ARHGAP29: variants seen among roughly 807,000 people sequenced by gnomAD.
The protein encoded by ARHGAP29 is rho GTPase-activating protein 29.
In ARHGAP29, 43 loss-of-function variants were observed where a neutral mutation model predicts 122.6. That is an observed-to-expected ratio of 0.35 (90% CI 0.27 to 0.45). The LOEUF (loss-of-function observed/expected upper bound fraction) is 0.45. Among genes scored for constraint, ARHGAP29 ranks in the 20% least tolerant of loss-of-function variants. The pLI is 1.00. For missense variants in ARHGAP29, 1,303 were observed against 1,477.2 expected (o/e 0.88, Z 1.93); for synonymous variants, 506 against 497.1 (o/e 1.02, Z -0.24).
At chr1:94,238,800 T>G (rs759468249), upstream of ARHGAP29, among the ~76,000 whole-genome samples, 1 of 152,012 alleles carries the variant, frequency 6.6e-6, no homozygotes, top group African/African-American at 2.4e-5. Context: ...GAAAAGTAAG[T>G]GAGCATGACA....
chr1:94,269,926 C>T (rs529989008), intron 1 of ARHGAP29, among the ~76,000 whole-genome samples: 11 of 152,064 alleles, frequency 7.2e-5, no homozygotes, highest in Non-Finnish European at 1.5e-4. Context: ...AGGTCATTTT[C>T]GTAGTCCCCA....
chr1:94,205,790 A>G (rs1271214816), intron 5 of ARHGAP29, 107 bp from the exon 6 acceptor site: 4 of 927,122 alleles, frequency 4.3e-6, no homozygotes, highest in Admixed American at 2.2e-5. Flanking sequence ...CTGCTAAAGA[A>G]TTTCAAGTAT....
At chr1:94,186,801 C>G (rs1481287014) in intron 15 of ARHGAP29, among the ~76,000 whole-genome samples, 2 of 152,140 alleles carry the variant, frequency 1.3e-5, no homozygotes, top group South Asian at 2.1e-4. Context: ...ATCTGACTTT[C>G]CCAAACAAAT....
At chr1:94,287,567 A>G in the ARHGAP29 span, among the ~76,000 whole-genome samples, 2 of 152,038 alleles carry the variant, frequency 1.3e-5, no homozygotes, top group African/African-American at 4.8e-5. Flanking sequence ...GGTTTGTTAC[A>G]TAGGTATACA....
chr1:94,238,053 A>ATTTT (rs71717670), upstream of ARHGAP29, among the ~76,000 whole-genome samples: 1 of 61,010 alleles, frequency 1.6e-5, no homozygotes, highest in African/African-American at 8.0e-5. Flanking sequence ...GCCTATCTGT[A>ATTTT]TTTTTTTTTT....
At chr1:94,229,335 T>A (rs1342004959) in intron 2 of ARHGAP29, among the ~76,000 whole-genome samples, 1 of 151,732 alleles carries the variant, frequency 6.6e-6, no homozygotes, top group East Asian at 1.9e-4. Flanking sequence ...ATTAAGTAAA[T>A]AAGGAATAGT....
At chr1:94,284,353 C>A in the ARHGAP29 span, among the ~76,000 whole-genome samples, 1 of 152,310 alleles carries the variant, frequency 6.6e-6, no homozygotes, top group South Asian at 2.1e-4. Flanking sequence ...TTACCTCAGT[C>A]TTCATTGCAG....
rs1408087253 is a variant in ARHGAP29, at chr1:94,174,325, G to T, written c.3330C>A (p.Ser1110Arg). Residue 1110 changes from serine to arginine, a missense_variant, in exon 23 of 23, where the codon AGC (serine) becomes AGA (arginine). Transcript: ENST00000260526. ...SALQEKGVTTSLQISGDHSIN... is the reference protein window; with the variant it reads ...SALQEKGVTTRLQISGDHSIN... ...TAGAATGGTCCCCACTAATCTGGAG[G>T]CTTGTTGTCACTCCTTTTTCCTGGA... The T allele has an allele frequency of 6.2e-7, 1 of 1,614,148 alleles. No homozygotes were observed. Among genetic ancestry groups the T allele is most frequent in the Admixed American group, 1.7e-5 (1 of 60,004 alleles).
At chr1:94,271,547 C>G (rs548532457) in intron 1 of ARHGAP29, among the ~76,000 whole-genome samples, 1 of 152,286 alleles carries the variant, frequency 6.6e-6, no homozygotes, top group Admixed American at 6.5e-5. Context: ...TACCACAAAA[C>G]AGATTCCTGG....
At chr1:94,232,523 T>C (rs1652982472) in intron 1 of ARHGAP29, among the ~76,000 whole-genome samples, 1 of 152,142 alleles carries the variant, frequency 6.6e-6, no homozygotes, top group Non-Finnish European at 1.5e-5. Context: ...CTCAGGATGG[T>C]AGTAAAAAGG....
chr1:94,177,462 G>A (rs566186827), intron 22 of ARHGAP29, 150 bp downstream of exon 22: 1 of 504,284 alleles, frequency 2.0e-6, no homozygotes, highest in Non-Finnish European at 3.4e-6. Context: ...ACACTAAAAG[G>A]CAACTTTCTC....
intron 1 of ARHGAP29, among the ~76,000 whole-genome samples, chr1:94,236,332 G>A (rs1207055105): frequency 1.3e-5 from 2 of 152,148 alleles, no homozygotes; most frequent in Non-Finnish European, 2.9e-5. Context: ...TTCCTGGCAG[G>A]CAGTACTCTC....
chr1:94,200,104 A>G (rs921636731), intron 12 of ARHGAP29, among the ~76,000 whole-genome samples: 4 of 152,204 alleles, frequency 2.6e-5, no homozygotes, highest in African/African-American at 7.2e-5. Flanking sequence ...AACCAAAAGC[A>G]TGACTCATAA....
At chr1:94,305,777 A>C in the ARHGAP29 span, among the ~76,000 whole-genome samples, 3 of 152,236 alleles carry the variant, frequency 2.0e-5, no homozygotes, top group Non-Finnish European at 4.4e-5. Context: ...TGAATATTCT[A>C]ATTGGTGGTA....
chr1:94,262,570 C>A (rs760926849), intron 1 of ARHGAP29, among the ~76,000 whole-genome samples: 19 of 152,002 alleles, frequency 1.2e-4, no homozygotes, highest in Non-Finnish European at 2.1e-4. Flanking sequence ...AAACCAACAA[C>A]CCACTTAAAA....
intron 8 of ARHGAP29, among the ~76,000 whole-genome samples, chr1:94,203,533 G>C (rs1285966525): frequency 1.3e-5 from 2 of 152,120 alleles, no homozygotes; most frequent in South Asian, 2.1e-4. Flanking sequence ...TCAGGAGTTT[G>C]AGACCAGCCT....
intron 22 of ARHGAP29, among the ~76,000 whole-genome samples, chr1:94,175,887 T>C (rs1649062131): frequency 6.6e-6 from 1 of 152,074 alleles, no homozygotes; most frequent in Non-Finnish European, 1.5e-5. Context: ...GTATTTTTAA[T>C]AGAGACAGGG....
chr1:94,195,782 T>C (rs1650415339), intron 12 of ARHGAP29: 2 of 151,972 alleles, frequency 1.3e-5, no homozygotes, highest in Admixed American at 1.3e-4. Context: ...TCACTTTAAA[T>C]ATGATAAAAT....
At chr1:94,236,059 G>C (rs549248104) in intron 1 of ARHGAP29, among the ~76,000 whole-genome samples, 2 of 152,292 alleles carry the variant, frequency 1.3e-5, no homozygotes, top group South Asian at 4.1e-4. Context: ...CACAATTTCA[G>C]ATTTGGCAAG....
Sources: allele counts gnomAD v4.1 joint callset (sites outside exome capture counted in the v4.1 genomes callset), GRCh38; gene constraint gnomAD v4.1.1; transcripts MANE v1.5; gene names NCBI Gene and HGNC (gene_info 2026-07-23, HGNC 2026-07-21).